The following NFASC variants were observed in gnomAD, a reference collection of about 807,000 sequenced individuals.
NFASC encodes neurofascin.
In NFASC, 43 loss-of-function variants were observed where a neutral mutation model predicts 147.5. The ratio of observed to expected loss-of-function variants is 0.29; its 90% CI spans 0.23 to 0.38. The LOEUF (loss-of-function observed/expected upper bound fraction) is 0.38. NFASC is among the 10% of genes least tolerant of loss of function. NFASC has a pLI of 1.00. For synonymous variants in NFASC, 622 were observed against 665.5 expected (o/e 0.93, Z 1.01); for missense variants, 1,320 against 1,689.0 (o/e 0.78, Z 3.83).
intron 17 of NFASC, among the ~76,000 whole-genome samples, chr1:204,978,295 T>TG (rs1213058756): frequency 1.3e-5 from 2 of 152,204 alleles, no homozygotes; most frequent in Non-Finnish European, 2.9e-5. Context: ...CAGGCCAGGA[T>TG]GGCACTTAGA....
chr1:204,964,136 T>C (rs1379310456), intron 8 of NFASC, among the ~76,000 whole-genome samples: 1 of 152,222 alleles, frequency 6.6e-6, no homozygotes, highest in Non-Finnish European at 1.5e-5. Context: ...GTCCGGGACA[T>C]ACCATTGAGT....
chr1:204,899,810 A>G (rs545641419), intron 1 of NFASC, among the ~76,000 whole-genome samples: 1 of 152,366 alleles, frequency 6.6e-6, no homozygotes, highest in South Asian at 2.1e-4. Context: ...AAGAAAGGTC[A>G]CATGATCTGA....
At chr1:204,934,676 C>G (rs2092682972) in intron 2 of NFASC, among the ~76,000 whole-genome samples, 1 of 152,342 alleles carries the variant, frequency 6.6e-6, no homozygotes, top group East Asian at 1.9e-4. Context: ...GGGGAAACTC[C>G]TCTTTCCCAG....
At chr1:204,869,285 T>C (rs1027740942) in intron 1 of NFASC, among the ~76,000 whole-genome samples, 1 of 152,236 alleles carries the variant, frequency 6.6e-6, no homozygotes, top group African/African-American at 2.4e-5. Flanking sequence ...AATTATGCCC[T>C]GCCCTGGGCG....
At chr1:204,977,629 C>T (rs1394312298) in intron 16 of NFASC, 52 bp from the exon 17 acceptor site, 10 of 1,575,356 alleles carry the variant, frequency 6.3e-6, no homozygotes, top group Non-Finnish European at 8.7e-6. Flanking sequence ...TTCTAGAACA[C>T]CTTTAATGCT....
intron 1 of NFASC, among the ~76,000 whole-genome samples, chr1:204,851,245 C>T (rs2075660049): frequency 6.6e-6 from 1 of 151,920 alleles, no homozygotes; most frequent in African/African-American, 2.4e-5. Flanking sequence ...TAAACCTTAA[C>T]ATTTGATGAA....
At chr1:204,946,237 A>T (rs1050266822) in intron 3 of NFASC, 6 of 451,638 alleles carry the variant, frequency 1.3e-5, no homozygotes, top group Non-Finnish European at 2.8e-5. Context: ...AAAAGAAACC[A>T]CTGGAATCGC....
chr1:204,975,246 G>C lies in NFASC; in HGVS notation c.1559-25G>C, dbSNP rs1476327520. ...ATGCTGGGCAGAGAACAGGCCAGTG[G>C]CGAGTGCTCTGGGCTTCTCCACAGA... On this transcript the variant is annotated intron_variant, in intron 14 of 29. Transcript: ENST00000339876. This position sits in a 1 kb window ranked among gnomAD's most constrained non-coding sequence, Gnocchi z 4.0. The C allele has an allele frequency of 6.3e-7, 1 of 1,592,536 alleles. No homozygotes were observed. Among genetic ancestry groups the C allele is most frequent in the Non-Finnish European group, 8.6e-7 (1 of 1,166,494 alleles).
rs1558507148 is a variant in NFASC at position 205,019,894 on chromosome 1, G to A, written c.*3355G>A. ...CCTTGAATACCTCTTTCTACAGAGA[G>A]GCACGGGCTCCCCTGAAGGATTGTC... On this transcript the variant is annotated 3_prime_UTR_variant, in exon 30 of 30. Coordinates refer to ENST00000339876, the MANE Select transcript of NFASC (RefSeq NM_001005388.3). 1.3e-5 allele frequency: 2 copies of A among 152,238 alleles called. No individual in the cohort carries two copies. The highest frequency in any genetic ancestry group is 2.9e-5 in the Non-Finnish European group (2 of 68,044). The allele number at this position is 152,238 out of a possible 1,614,324, so 9.4% of individuals were successfully genotyped here. A position where few individuals can be genotyped will look rare whatever the true frequency, so the allele number is the denominator to read the frequency against.
At chr1:204,904,553 G>A (rs976909278) in intron 1 of NFASC, among the ~76,000 whole-genome samples, 1 of 152,138 alleles carries the variant, frequency 6.6e-6, no homozygotes, top group Non-Finnish European at 1.5e-5. Flanking sequence ...GGCTGTGAAG[G>A]GATTAGAATG....
At chr1:204,853,378 G>T (rs2075863990) in intron 1 of NFASC, among the ~76,000 whole-genome samples, 1 of 152,136 alleles carries the variant, frequency 6.6e-6, no homozygotes, top group Non-Finnish European at 1.5e-5. Context: ...TTCAACTTTA[G>T]TTATTTCCTC....
Position 204,913,104 on chromosome 1 carries a change from A to G in NFASC, c.-199-7528A>G, listed in dbSNP as rs116960917. Among the ~76,000 whole-genome samples, 482 of 152,224 alleles carry G rather than the reference A, an allele frequency of 3.2e-3. 11 individuals carry two copies. Among genetic ancestry groups the G allele is most frequent in the East Asian group, 0.013 (65 of 5,180 alleles). On this transcript the variant is annotated intron_variant, in intron 1 of 29. Coordinates refer to ENST00000339876, the MANE Select transcript of NFASC (RefSeq NM_001005388.3). ...GATTCAAAATTAGTATGCAATAATT[A>G]TTTAAAATAGCTTAATGAACAATCA...
intron 20 of NFASC, 73 bp downstream of exon 20, chr1:204,980,513 C>A: frequency 1.8e-6 from 2 of 1,121,670 alleles, no homozygotes; most frequent in Non-Finnish European, 1.3e-6. Flanking sequence ...TCCCTTGATG[C>A]CCCGACACTA....
At chr1:204,877,537 A>T (rs1215576526) in intron 1 of NFASC, among the ~76,000 whole-genome samples, 1 of 152,132 alleles carries the variant, frequency 6.6e-6, no homozygotes. Flanking sequence ...CTGAGGTGGG[A>T]GGTATAATGA....
At chr1:204,830,612 G>A (rs950884132) in intron 1 of NFASC, among the ~76,000 whole-genome samples, 2 of 151,438 alleles carry the variant, frequency 1.3e-5, no homozygotes, top group Admixed American at 6.6e-5. Flanking sequence ...GTGTTGTGAT[G>A]TGTGTGTGTG....
chr1:205,007,432 A>C (rs1376697657), intron 27 of NFASC, among the ~76,000 whole-genome samples: 1 of 117,002 alleles, frequency 8.5e-6, no homozygotes, highest in Non-Finnish European at 1.7e-5. Context: ...GGGAAGGGAG[A>C]GTAGGGGAGG....
At chr1:204,897,708 G>A (rs892871840) in intron 1 of NFASC, among the ~76,000 whole-genome samples, 1 of 151,786 alleles carries the variant, frequency 6.6e-6, no homozygotes, top group African/African-American at 2.4e-5. Flanking sequence ...CGAGTAGCTG[G>A]GACTACAGGT....
intron 1 of NFASC, among the ~76,000 whole-genome samples, chr1:204,854,125 CT>C (rs2075945206): frequency 6.6e-6 from 1 of 151,172 alleles, no homozygotes; most frequent in Non-Finnish European, 1.5e-5. Flanking sequence ...TATTCATAGA[CT>C]CTCAGCAAGA....
intron 2 of NFASC, among the ~76,000 whole-genome samples, chr1:204,932,425 G>T (rs1349425039): frequency 3.9e-5 from 6 of 152,004 alleles, no homozygotes; most frequent in Admixed American, 3.9e-4. Context: ...CCTTGCCAGG[G>T]ACTATGCTGG....
Sources: gnomAD v4.1 joint callset for allele counts (sites outside exome capture counted in the v4.1 genomes callset) on GRCh38, gnomAD v4.1.1 for gene constraint, Gnocchi (gnomAD v3.1) non-coding constraint, MANE v1.5 for transcripts, NCBI Gene and HGNC (gene_info 2026-07-23, HGNC 2026-07-21) for gene names.